MARCHF1: variants seen among roughly 807,000 people sequenced by gnomAD.
The protein encoded by MARCHF1 is membrane associated ring-CH-type finger 1.
In MARCHF1, 40 loss-of-function variants were observed where a neutral mutation model predicts 54.2. That is an observed-to-expected ratio of 0.74 (90% CI 0.57 to 0.96). MARCHF1 has a LOEUF of 0.96. MARCHF1 is among the 40% of genes least tolerant of loss of function. The pLI, the probability that MARCHF1 is intolerant of heterozygous loss-of-function variation, is 0.00. For synonymous variants in MARCHF1, 236 were observed against 236.3 expected, an observed-to-expected ratio of 1.00 and a Z score of 0.01; for missense variants, 586 against 656.5, an observed-to-expected ratio of 0.89 and a Z score of 1.17.
intron 4 of MARCHF1, among the ~76,000 whole-genome samples, chr4:163,805,402 A>T (rs1748199071): frequency 6.6e-6 from 1 of 152,032 alleles, no homozygotes; most frequent in African/African-American, 2.4e-5. Context: ...TTTATAGTTG[A>T]TACAAGATTA....
intron 4 of MARCHF1, among the ~76,000 whole-genome samples, chr4:163,792,758 T>G (rs1012669225): frequency 1.6e-4 from 24 of 152,198 alleles, no homozygotes; most frequent in Non-Finnish European, 1.0e-4. Context: ...CATATTGCAA[T>G]GTACTTACTT....
At chr4:163,764,015 C>T (rs1746904844) in intron 4 of MARCHF1, among the ~76,000 whole-genome samples, 1 of 152,022 alleles carries the variant, frequency 6.6e-6, no homozygotes, top group African/African-American at 2.4e-5. Context: ...TCCAAGTGTA[C>T]ACCACTGCAG....
intron 2 of MARCHF1, among the ~76,000 whole-genome samples, chr4:164,077,660 C>T (rs1235951458): frequency 2.6e-5 from 4 of 151,990 alleles, no homozygotes; most frequent in South Asian, 4.1e-4. Context: ...TCAGAATCTA[C>T]AAAGAACTTA....
intron 1 of MARCHF1, among the ~76,000 whole-genome samples, chr4:164,283,759 A>C (rs1734081062): frequency 6.6e-6 from 1 of 150,922 alleles, no homozygotes; most frequent in Admixed American, 6.7e-5. Flanking sequence ...CCAAAGAAAA[A>C]CCAAGATAGT....
chr4:164,188,231 T>A (rs1731025037), intron 1 of MARCHF1: 1 of 242,634 alleles, frequency 4.1e-6, no homozygotes, highest in Non-Finnish European at 8.2e-6. Context: ...AAATACTTTC[T>A]CGATGCCGGC....
chr4:163,942,507 T>G (rs1271236442), intron 3 of MARCHF1, among the ~76,000 whole-genome samples: 3 of 152,184 alleles, frequency 2.0e-5, no homozygotes, highest in Non-Finnish European at 2.9e-5. Flanking sequence ...AATAAGTGAC[T>G]GATTATATGG....
intron 1 of MARCHF1, among the ~76,000 whole-genome samples, chr4:164,224,834 A>G (rs1247107493): frequency 6.6e-6 from 1 of 152,104 alleles, no homozygotes; most frequent in Admixed American, 6.6e-5. Flanking sequence ...AAATATGTGA[A>G]GCAATACAAA....
At chr4:164,091,063 A>C (rs1755288919) in intron 2 of MARCHF1, among the ~76,000 whole-genome samples, 1 of 152,112 alleles carries the variant, frequency 6.6e-6, no homozygotes, top group African/African-American at 2.4e-5. Context: ...TTAGAAGGTA[A>C]TTTAACTGGT....
chr4:164,156,609 A>G (rs903210871), intron 1 of MARCHF1, among the ~76,000 whole-genome samples: 70 of 152,000 alleles, frequency 4.6e-4, no homozygotes, highest in African/African-American at 1.7e-3. Flanking sequence ...TTTTTTAGAG[A>G]AGGAGTTTCA....
At chr4:164,338,207 A>C (rs1167866719) in intron 1 of MARCHF1, among the ~76,000 whole-genome samples, 1 of 152,192 alleles carries the variant, frequency 6.6e-6, no homozygotes, top group Non-Finnish European at 1.5e-5. Context: ...TAACTTATAG[A>C]CTATTATAAT....
At chr4:164,239,180 T>C (rs1274285344) in intron 1 of MARCHF1, among the ~76,000 whole-genome samples, 2 of 152,206 alleles carry the variant, frequency 1.3e-5, no homozygotes, top group African/African-American at 4.8e-5. Flanking sequence ...TCCTTCATAA[T>C]TGGTGGACTT....
chr4:163,977,169 T>C (rs1752665168), intron 3 of MARCHF1, among the ~76,000 whole-genome samples: 2 of 151,652 alleles, frequency 1.3e-5, no homozygotes. Context: ...ATAATTGTTA[T>C]TAATATTAGT....
At chr4:164,293,226 A>G (rs35922552) in intron 1 of MARCHF1, among the ~76,000 whole-genome samples, 11,415 of 150,576 alleles carry the variant, frequency 0.076, 496 homozygotes, top group Middle Eastern at 0.15. Flanking sequence ...AGCATGTGGA[A>G]AAAAAAAAAT....
At chr4:163,782,587 T>C (rs1747496712) in intron 4 of MARCHF1, among the ~76,000 whole-genome samples, 3 of 150,534 alleles carry the variant, frequency 2.0e-5, no homozygotes, top group South Asian at 2.1e-4. Flanking sequence ...GGAGAATCAC[T>C]TGAACTGGGA....
chr4:164,074,608 T>C (rs901666728), intron 2 of MARCHF1, among the ~76,000 whole-genome samples: 8 of 152,032 alleles, frequency 5.3e-5, no homozygotes, highest in African/African-American at 1.7e-4. Flanking sequence ...ATTGTGGTAA[T>C]AAAGAAAATG....
rs770991753 is a variant in MARCHF1, at chr4:163,528,865, GTTC to G, written c.1518_1520del (p.Lys506del). 19 of 1,613,324 alleles carry G rather than the reference GTTC, an allele frequency of 1.2e-5. No homozygotes were observed. The highest frequency in any genetic ancestry group is 8.4e-5 in the Admixed American group (5 of 59,868). On this transcript the variant is annotated inframe_deletion, in exon 10 of 10. Transcript: ENST00000514618. ...TGTCTGTGTTTACATTACATGAGAA[GTTC>G]TTCTCCAGTTTTTTGGCAGTGTCTG... is the stretch of plus-strand genomic sequence containing the variant.
At chr4:164,098,756 G>C (rs1400358235) in intron 2 of MARCHF1, among the ~76,000 whole-genome samples, 1 of 152,158 alleles carries the variant, frequency 6.6e-6, no homozygotes, top group Non-Finnish European at 1.5e-5. Context: ...TATTTTGGCT[G>C]TCTTTATGCA....
rs147961912 is a variant in MARCHF1, at chr4:164,068,119, G to A, written c.-248+43469C>T. ...AAGAGGGAACACTTATACACTATCG[G>A]TGAGAATGTAAATTAGTTCAGCCAC... On this transcript the variant is annotated intron_variant, in intron 2 of 9. Transcript: ENST00000514618. Among the ~76,000 whole-genome samples, 291 of 152,330 alleles carry A rather than the reference G, an allele frequency of 1.9e-3. 1 individual carries two copies. Among genetic ancestry groups the A allele is most frequent in the Non-Finnish European group, 3.5e-3 (236 of 68,024 alleles).
intron 1 of MARCHF1, among the ~76,000 whole-genome samples, chr4:164,178,882 A>C (rs1302000192): frequency 1.3e-5 from 2 of 152,130 alleles, no homozygotes; most frequent in East Asian, 3.8e-4. Context: ...AAAACAGGAG[A>C]AGTCTTTCTC....
Sources: gnomAD v4.1 joint callset for allele counts (sites outside exome capture counted in the v4.1 genomes callset) on GRCh38, gnomAD v4.1.1 for gene constraint, MANE v1.5 for transcripts, NCBI Gene and HGNC (gene_info 2026-07-23, HGNC 2026-07-21) for gene names.